Variants in TAF4 observed in about 807,000 individuals in gnomAD.
The protein encoded by TAF4 is transcription initiation factor TFIID subunit 4.
TAF4 carries 9 observed loss-of-function variants against 90.3 expected under a neutral mutation model. That is an observed-to-expected ratio of 0.10 (90% CI 0.06 to 0.17). TAF4 has a LOEUF of 0.17. Among genes scored for constraint, TAF4 ranks in the 10% least tolerant of loss-of-function variants. The probability of loss-of-function intolerance (pLI) is 1.00; values close to 1 mark genes in which losing one functional copy is unlikely to be tolerated. For missense variants in TAF4, 1,351 were observed against 1,370.7 expected (o/e 0.99, Z 0.23); for synonymous variants, 818 against 638.9 (o/e 1.28, Z -4.23).
chr20:62,030,735 G>T (rs576753489), intron 1 of TAF4, among the ~76,000 whole-genome samples: 1 of 152,192 alleles, frequency 6.6e-6, no homozygotes, highest in Non-Finnish European at 1.5e-5. Flanking sequence ...TGCCAATAAT[G>T]TTGAATTGTC....
chr20:62,044,946 C>T (rs1235838312), intron 1 of TAF4, among the ~76,000 whole-genome samples: 1 of 152,158 alleles, frequency 6.6e-6, no homozygotes, highest in Non-Finnish European at 1.5e-5. Flanking sequence ...AGGAGGAGAC[C>T]CATGGGCACA....
intron 1 of TAF4, among the ~76,000 whole-genome samples, chr20:62,048,971 C>T (rs192002977): frequency 1.2e-4 from 18 of 147,770 alleles, no homozygotes; most frequent in African/African-American, 3.0e-4. Context: ...CCTCGGTCAC[C>T]GGGCTCCATC....
intron 1 of TAF4, among the ~76,000 whole-genome samples, chr20:62,044,661 G>A (rs1465603998): frequency 1.3e-5 from 2 of 152,212 alleles, no homozygotes; most frequent in Non-Finnish European, 2.9e-5. Flanking sequence ...AGCCAAGTAA[G>A]TAAATATGTT....
rs922888801 is a variant in TAF4 at position 61,976,040 on chromosome 20, T to C, written c.*128A>G. ...GTTTTCTTTCACACTGAAGAGCTGA[T>C]TTAGAAACAGGAATATAAAACTGTT... On this transcript the variant is annotated 3_prime_UTR_variant, in exon 15 of 15. Coordinates refer to ENST00000252996, the MANE Select transcript of TAF4 (RefSeq NM_003185.4). 1.3e-5 allele frequency: 13 copies of C among 1,026,184 alleles called. No individual in the cohort carries two copies. The highest frequency in any genetic ancestry group is 2.3e-4 in the Middle Eastern group (1 of 4,412). 63.6% of individuals were successfully genotyped at this position (1,026,184 alleles called of 1,614,324 possible). A position where few individuals can be genotyped will look rare whatever the true frequency, so the allele number is the denominator to read the frequency against.
chr20:62,000,300 A>C, intron 10 of TAF4, 46 bp from the exon 11 acceptor site: 1 of 1,597,612 alleles, frequency 6.3e-7, no homozygotes, highest in South Asian at 1.1e-5. Flanking sequence ...CATTAAGCAC[A>C]GTTCTTTCTT....
At chr20:62,047,994 G>A (rs1481555132) in intron 1 of TAF4, among the ~76,000 whole-genome samples, 1 of 152,128 alleles carries the variant, frequency 6.6e-6, no homozygotes. Flanking sequence ...TAGCTCCCCA[G>A]CACCCAAACC....
At chr20:61,998,112 G>A (rs1448328687) in intron 13 of TAF4, 24 bp downstream of exon 13, 10 of 1,612,876 alleles carry the variant, frequency 6.2e-6, no homozygotes, top group Middle Eastern at 1.6e-4. Context: ...GTGCCCACGA[G>A]CACTCACGAC....
chr20:62,055,161 T>C (rs113629456), intron 1 of TAF4, among the ~76,000 whole-genome samples: 4 of 133,746 alleles, frequency 3.0e-5, no homozygotes, highest in Non-Finnish European at 6.5e-5. Context: ...AGTCCTGCAA[T>C]ACAATCGATT....
At chr20:62,019,410 C>T (rs1486994752) in intron 1 of TAF4, among the ~76,000 whole-genome samples, 1 of 152,260 alleles carries the variant, frequency 6.6e-6, no homozygotes, top group Non-Finnish European at 1.5e-5. Context: ...ACTATTTCAT[C>T]CAAATTGTGT....
intron 1 of TAF4, among the ~76,000 whole-genome samples, chr20:62,025,735 T>A (rs1297559889): frequency 3.3e-5 from 5 of 152,244 alleles, no homozygotes; most frequent in African/African-American, 4.8e-5. Context: ...CTTGGGTATT[T>A]TTTTATAGCA....
At chr20:62,003,971 T>C in intron 7 of TAF4, 93 bp from the exon 8 acceptor site, 1 of 1,429,078 alleles carries the variant, frequency 7.0e-7, no homozygotes. Context: ...TCCCTTCCTT[T>C]GCACCCCACG....
Position 62,010,033 on chromosome 20 carries a change from G to A in TAF4, c.1761+13C>T. ...TGACCGTCTTTGAAGGCACGGAAAG[G>A]AGTGGCTCTTACCGTGGCAGCTGAG... On this transcript the variant is annotated intron_variant, in intron 4 of 14. Transcript: ENST00000252996. The surrounding 1 kb of genome is among the most constrained non-coding windows in gnomAD (Gnocchi z 4.5). 6.2e-7 allele frequency: 1 copy of A among 1,612,812 alleles called. No individual in the cohort carries two copies. Among genetic ancestry groups the A allele is most frequent in the Non-Finnish European group, 8.5e-7 (1 of 1,179,908 alleles).
At chr20:61,985,841 G>A (rs1830160474) in intron 14 of TAF4, among the ~76,000 whole-genome samples, 1 of 151,816 alleles carries the variant, frequency 6.6e-6, no homozygotes, top group Non-Finnish European at 1.5e-5. Flanking sequence ...GACACCCCAG[G>A]AGCAATGAGC....
At chr20:61,981,207 C>G (rs1173831375) in intron 14 of TAF4, 1 of 152,236 alleles carries the variant, frequency 6.6e-6, no homozygotes, top group African/African-American at 2.4e-5. Context: ...GGCAAATACC[C>G]CAAGGCCACC....
chr20:62,051,617 C>T (rs928731556), intron 1 of TAF4, among the ~76,000 whole-genome samples: 58 of 152,090 alleles, frequency 3.8e-4, no homozygotes, highest in African/African-American at 1.4e-3. Flanking sequence ...AGCCCTGATC[C>T]ACAGAGGCCA....
Position 62,065,317 on chromosome 20 carries a change from GCGGCGGGGC to G in TAF4, c.485_493del (p.Gly162_Ala164del). The G allele has an allele frequency of 7.5e-6, 7 of 939,518 alleles. No individual in the cohort carries two copies. The highest frequency in any genetic ancestry group is 6.5e-5 in the Admixed American group (1 of 15,332). 58.2% of individuals were successfully genotyped at this position (939,518 alleles called of 1,614,324 possible). A position where few individuals can be genotyped will look rare whatever the true frequency, so the allele number is the denominator to read the frequency against. On this transcript the variant is annotated inframe_deletion, in exon 1 of 15. Coordinates refer to ENST00000252996, the MANE Select transcript of TAF4 (RefSeq NM_003185.4). Reference sequence around the variant, plus strand: ...GCCGGGGCCGGCGCGGGCGGCCAGCGCGGCGGGGCCGGCGGGCTTGGCGGGGCCGGCGGG... The same window carrying G: ...GCCGGGGCCGGCGCGGGCGGCCAGCGCGGCGGGCTTGGCGGGGCCGGCGGG...
At chr20:62,033,138 G>C (rs972903573) in intron 1 of TAF4, among the ~76,000 whole-genome samples, 1 of 152,202 alleles carries the variant, frequency 6.6e-6, no homozygotes, top group Admixed American at 6.5e-5. Context: ...CACAGGAGAA[G>C]AGTGAGGCCA....
intron 1 of TAF4, among the ~76,000 whole-genome samples, chr20:62,019,046 C>T (rs1310770084): frequency 6.6e-6 from 1 of 152,194 alleles, no homozygotes; most frequent in African/African-American, 2.4e-5. Context: ...GCCAAAACCC[C>T]ACACCAGCCA....
chr20:62,053,334 G>A (rs539645244), intron 1 of TAF4, among the ~76,000 whole-genome samples: 4 of 152,324 alleles, frequency 2.6e-5, no homozygotes, highest in East Asian at 1.9e-4. Flanking sequence ...CGCGGGAGCC[G>A]GAGGACCAGG....
Sources: allele counts gnomAD v4.1 joint callset (sites outside exome capture counted in the v4.1 genomes callset), GRCh38; gene constraint gnomAD v4.1.1; non-coding constraint Gnocchi (gnomAD v3.1); transcripts MANE v1.5; gene names NCBI Gene and HGNC (gene_info 2026-07-23, HGNC 2026-07-21).